IL5RA: variants seen among roughly 807,000 people sequenced by gnomAD.
IL5RA encodes interleukin 5 receptor subunit alpha.
IL5RA carries 49 observed loss-of-function variants against 50.0 expected under a neutral mutation model. That is an observed-to-expected ratio of 0.98 (90% CI 0.78 to 1.24). The LOEUF (loss-of-function observed/expected upper bound fraction) is 1.24. IL5RA is among the 50% of genes most tolerant of loss of function. IL5RA has a pLI of 0.00. For synonymous variants in IL5RA, 202 were observed against 174.0 expected (o/e 1.16, Z -1.26); for missense variants, 600 against 500.4 (o/e 1.20, Z -1.90).
In IL5RA at chr3:3,100,889, G is replaced by A. The variant is rs890307245; in HGVS notation, c.367+803C>T. ...GGGCCGGACACGGTGGCTCATGTCT[G>A]TAACCCCAGCACTTTGGGAGGCCGA... On this transcript the variant is annotated intron_variant, in intron 5 of 11. Transcript: ENST00000446632. Among the ~76,000 whole-genome samples the A allele has an allele frequency of 4.3e-4, 66 of 151,932 alleles. 3 individuals carry two copies. Among genetic ancestry groups the A allele is most frequent in the Non-Finnish European group, 5.9e-5 (4 of 67,994 alleles).
intron 9 of IL5RA, among the ~76,000 whole-genome samples, chr3:3,088,469 G>A (rs1479192731): frequency 6.6e-6 from 1 of 152,204 alleles, no homozygotes; most frequent in Non-Finnish European, 1.5e-5. Context: ...AATCCTCAAT[G>A]CTGCACTCTA....
chr3:3,069,959 G>A lies in IL5RA; in HGVS notation c.*266C>T. On this transcript the variant is annotated 3_prime_UTR_variant, in exon 12 of 12. Coordinates refer to ENST00000446632, the MANE Select transcript of IL5RA (RefSeq NM_175726.4). ...GCAAATTGCAAAGATTGGCAGGTGA[G>A]GAGGTGCTACCCTGTACGGCATGGG... 1 of 305,690 alleles carries A rather than the reference G, an allele frequency of 3.3e-6. No individual in the cohort carries two copies. Among genetic ancestry groups the A allele is most frequent in the South Asian group, 1.1e-4 (1 of 8,830 alleles). 18.9% of individuals were successfully genotyped at this position (305,690 alleles called of 1,614,324 possible). A position where few individuals can be genotyped will look rare whatever the true frequency, so the allele number is the denominator to read the frequency against.
chr3:3,091,983 A>G (rs113154765), intron 9 of IL5RA: 7 of 1,212,960 alleles, frequency 5.8e-6, no homozygotes, highest in South Asian at 4.1e-5. Context: ...CAAAACTTGG[A>G]AAAAAAACAG....
At position 3,069,076 on chromosome 3, in the gene IL5RA, A is replaced by C. The variant is rs1318571275; in HGVS notation, c.*1149T>G. On this transcript the variant is annotated 3_prime_UTR_variant, in exon 12 of 12. Transcript: ENST00000446632. ...CATTTAAAGAGTGTGCCAGGTGGGG[A>C]TTCTGGGCACTGTTACCTCCTTTCT... 1 of 151,406 alleles carries C rather than the reference A, an allele frequency of 6.6e-6. No individual in the cohort carries two copies. Among genetic ancestry groups the C allele is most frequent in the Non-Finnish European group, 1.5e-5 (1 of 67,818 alleles). The allele number at this position is 151,406 out of a possible 1,614,324, so 9.4% of individuals were successfully genotyped here.
intron 9 of IL5RA, among the ~76,000 whole-genome samples, chr3:3,085,295 A>T (rs886326044): frequency 6.6e-6 from 1 of 151,972 alleles, no homozygotes; most frequent in African/African-American, 2.4e-5. Flanking sequence ...TACTGTGTAG[A>T]CCCAGTGGCT....
chr3:3,073,084 A>G (rs1358691788), intron 11 of IL5RA, among the ~76,000 whole-genome samples: 4 of 152,192 alleles, frequency 2.6e-5, no homozygotes, highest in African/African-American at 9.7e-5. Flanking sequence ...GGAGAACACA[A>G]AGATCCAACC....
chr3:3,107,794 C>A (rs1254767135), intron 2 of IL5RA, among the ~76,000 whole-genome samples: 1 of 152,164 alleles, frequency 6.6e-6, no homozygotes, highest in Non-Finnish European at 1.5e-5. Flanking sequence ...TTGGAGAAAA[C>A]AACCACAGTC....
At chr3:3,071,782 G>T (rs951392177) in intron 11 of IL5RA, among the ~76,000 whole-genome samples, 2 of 152,088 alleles carry the variant, frequency 1.3e-5, no homozygotes, top group Admixed American at 6.6e-5. Flanking sequence ...CAGAGATGGG[G>T]TTTTGCCATG....
Position 3,074,841 on chromosome 3 carries a change from GAAACAAC to G in IL5RA, c.1110_1116del (p.Lys370AsnfsTer16). On this transcript the variant is annotated frameshift_variant, in exon 11 of 12. Transcript: ENST00000446632. LOFTEE classifies it high-confidence loss of function. ...TTACTTTTTGGTGCTGGAATTGGTG[GAAACAAC>G]TTGATCCATAAATGACATCTGAAAA... 6 of 1,608,580 alleles carry G rather than the reference GAAACAAC, an allele frequency of 3.7e-6. No homozygotes were observed. The highest frequency in any genetic ancestry group is 5.1e-6 in the Non-Finnish European group (6 of 1,174,994).
chr3:3,080,986 G>A (rs1297349126), intron 9 of IL5RA, among the ~76,000 whole-genome samples: 1 of 152,018 alleles, frequency 6.6e-6, no homozygotes, highest in Non-Finnish European at 1.5e-5. Flanking sequence ...GTGACCAACT[G>A]TGCCTAGCCC....
At chr3:3,096,168 C>T (rs1703355725) in intron 7 of IL5RA, among the ~76,000 whole-genome samples, 2 of 151,788 alleles carry the variant, frequency 1.3e-5, no homozygotes, top group African/African-American at 4.8e-5. Context: ...GTCCCAGCTA[C>T]TCAGGAGGCT....
intron 9 of IL5RA, among the ~76,000 whole-genome samples, chr3:3,084,402 C>G (rs1217206826): frequency 6.6e-6 from 1 of 152,148 alleles, no homozygotes; most frequent in African/African-American, 2.4e-5. Flanking sequence ...ATTCTAGATA[C>G]TGAGGAACAG....
At chr3:3,082,965 G>T (rs1368284815) in intron 9 of IL5RA, among the ~76,000 whole-genome samples, 2 of 152,212 alleles carry the variant, frequency 1.3e-5, no homozygotes, top group African/African-American at 4.8e-5. Context: ...TTAGTAAATT[G>T]ATGGGATGCT....
chr3:3,103,453 T>C (rs942692900), intron 3 of IL5RA, among the ~76,000 whole-genome samples: 2 of 152,226 alleles, frequency 1.3e-5, no homozygotes, highest in African/African-American at 4.8e-5. Flanking sequence ...AAGAGCTGTT[T>C]CATGAATCTC....
Position 3,070,132 on chromosome 3 carries a change from C to A in IL5RA, c.*93G>T. 1 of 784,794 alleles carries A rather than the reference C, an allele frequency of 1.3e-6. No homozygotes were observed. Among genetic ancestry groups the A allele is most frequent in the Non-Finnish European group, 2.2e-6 (1 of 461,808 alleles). The allele number at this position is 784,794 out of a possible 1,614,324, so 48.6% of individuals were successfully genotyped here. On this transcript the variant is annotated 3_prime_UTR_variant, in exon 12 of 12. Coordinates refer to ENST00000446632, the MANE Select transcript of IL5RA (RefSeq NM_175726.4). ...AGGTAAATTGAGTGTTGCCTAAATT[C>A]TGAACACCTCTTAGCCAAGAGCCAG...
chr3:3,092,993 G>A lies in IL5RA; in HGVS notation c.856-631C>T, dbSNP rs201674301. ...CTAACTGATATCATATGTCCATGTC[G>A]CCCCTCCCCACTCACATCCAGTTTT... On this transcript the variant is annotated intron_variant, in intron 8 of 11. Transcript: ENST00000446632. The surrounding 1 kb of genome is among the most constrained non-coding windows in gnomAD (Gnocchi z 4.2). Among the ~76,000 whole-genome samples the A allele has an allele frequency of 5.8e-4, 88 of 151,922 alleles. No individual in the cohort carries two copies. Among genetic ancestry groups the A allele is most frequent in the East Asian group, 3.1e-3 (16 of 5,174 alleles).
intron 11 of IL5RA, chr3:3,073,882 G>A (rs2125950657): frequency 2.4e-6 from 1 of 418,276 alleles, no homozygotes; most frequent in African/African-American, 2.1e-5. Flanking sequence ...TTCCACAAAT[G>A]GTCTCGTGGT....
intron 11 of IL5RA, among the ~76,000 whole-genome samples, chr3:3,072,228 T>G (rs1016941138): frequency 2.6e-5 from 4 of 152,246 alleles, no homozygotes; most frequent in Non-Finnish European, 5.9e-5. Context: ...GTGGAGAATT[T>G]AGGCCATAGA....
intron 11 of IL5RA, chr3:3,073,653 G>A (rs1172377402): frequency 3.2e-6 from 1 of 308,688 alleles, no homozygotes; most frequent in Non-Finnish European, 6.3e-6. Context: ...CTGAGAGAAG[G>A]TAAAGAAAAC....
Sources: gnomAD v4.1 joint callset for allele counts (sites outside exome capture counted in the v4.1 genomes callset) on GRCh38, gnomAD v4.1.1 for gene constraint, Gnocchi (gnomAD v3.1) non-coding constraint, MANE v1.5 for transcripts, NCBI Gene and HGNC (gene_info 2026-07-23, HGNC 2026-07-21) for gene names.